PGM1: variants seen among roughly 807,000 people sequenced by gnomAD.
PGM1 encodes the protein phosphoglucomutase-1.
A neutral mutation model predicts 55.6 loss-of-function variants in PGM1; 52 were observed. The observed-to-expected ratio is 0.94, with a 90% CI of 0.75 to 1.18. The LOEUF is 1.18. Among genes scored for constraint, PGM1 ranks in the 50% most tolerant of loss-of-function variants. The pLI, the probability that PGM1 is intolerant of heterozygous loss-of-function variation, is 0.00. For synonymous variants in PGM1, 287 were observed against 271.7 expected, an observed-to-expected ratio of 1.06 and a Z score of -0.55; for missense variants, 724 against 729.3, an observed-to-expected ratio of 0.99 and a Z score of 0.08.
chr1:63,629,487 T>C lies in PGM1; in HGVS notation c.309T>C (p.Ile103=). ...CCACCCCTGCTGTATCCTGCATCAT[T>C]AGAAAAATCAAAGCCATTGGTGGGA... ...ILSTPAVSCI[I]RKIKAIGGII... The change falls in exon 2 of 11, where the codon ATT becomes ATC. Residue 103 remains isoleucine, a synonymous_variant. Transcript: ENST00000371084. The C allele has an allele frequency of 1.1e-5, 18 of 1,613,840 alleles. No individual in the cohort carries two copies. The highest frequency in any genetic ancestry group is 1.5e-5 in the Non-Finnish European group (18 of 1,179,744).
chr1:63,610,900 T>G (rs1258818824), intron 1 of PGM1, among the ~76,000 whole-genome samples: 3 of 152,114 alleles, frequency 2.0e-5, no homozygotes, highest in African/African-American at 7.2e-5. Flanking sequence ...CTGAGTAGCT[T>G]AAGTACTGGT....
intron 1 of PGM1, among the ~76,000 whole-genome samples, chr1:63,616,531 C>T (rs1445633049): frequency 2.0e-5 from 3 of 152,166 alleles, no homozygotes; most frequent in Non-Finnish European, 2.9e-5. Context: ...TTATCTATCT[C>T]TCCTTCTGCA....
rs973787157 is a variant in PGM1 at position 63,647,474 on chromosome 1, G to A, written c.1145-1043G>A. On this transcript the variant is annotated intron_variant, in intron 7 of 10. Coordinates refer to ENST00000371084, the MANE Select transcript of PGM1 (RefSeq NM_002633.3). ...ATCAGTGTTTTCTTTTATGAATACC[G>A]AATTTACATTATTTATCACCCCTAA... 6.1e-5 allele frequency among the ~76,000 whole-genome samples: 9 copies of A among 147,438 alleles called. No individual in the cohort carries two copies. The South Asian group carries it at 8.6e-4, about 14-fold the overall frequency.
rs1423653483 is a variant in PGM1, at chr1:63,629,634, G to A, written c.409+47G>A. On this transcript the variant is annotated intron_variant, in intron 2 of 10. Transcript: ENST00000371084. Reference sequence around the variant, plus strand: ...GGACAGGTAAGTTTACATTCAGTAGGACAAATCAATACCTGGAGCCTTGGG... The same window carrying A: ...GGACAGGTAAGTTTACATTCAGTAGAACAAATCAATACCTGGAGCCTTGGG... 7.6e-6 allele frequency: 12 copies of A among 1,571,414 alleles called. No individual in the cohort carries two copies. In the Admixed American group the frequency reaches 1.3e-4, roughly 17 times the overall value.
At chr1:63,649,305 T>A (rs1480628250) in intron 8 of PGM1, among the ~76,000 whole-genome samples, 1 of 152,222 alleles carries the variant, frequency 6.6e-6, no homozygotes, top group Non-Finnish European at 1.5e-5. Flanking sequence ...AACAAAATAC[T>A]TAGAATACTT....
intron 1 of PGM1, among the ~76,000 whole-genome samples, chr1:63,614,733 C>T (rs1246310149): frequency 1.3e-5 from 2 of 151,910 alleles, no homozygotes; most frequent in African/African-American, 4.9e-5. Flanking sequence ...TCTACCTGAC[C>T]TCGGACAGAT....
chr1:63,658,884 C>T (rs551601431), intron 10 of PGM1, among the ~76,000 whole-genome samples: 49 of 152,258 alleles, frequency 3.2e-4, no homozygotes, highest in African/African-American at 1.1e-3. Flanking sequence ...GGAAGCCTCA[C>T]AATCATGGTG....
intron 1 of PGM1, among the ~76,000 whole-genome samples, chr1:63,607,222 G>T (rs1648446618): frequency 6.6e-6 from 1 of 152,154 alleles, no homozygotes. Context: ...TCCAGTTTTG[G>T]TTGCCAGGCA....
At chr1:63,608,312 G>A (rs1333326480) in intron 1 of PGM1, among the ~76,000 whole-genome samples, 13 of 152,204 alleles carry the variant, frequency 8.5e-5, no homozygotes, top group African/African-American at 3.1e-4. Flanking sequence ...TCTGGTAAAC[G>A]TTTAAACCTG....
At chr1:63,606,945 A>G (rs370587031) in intron 1 of PGM1, among the ~76,000 whole-genome samples, 1 of 152,266 alleles carries the variant, frequency 6.6e-6, no homozygotes, top group South Asian at 2.1e-4. Flanking sequence ...TTGCCATTGT[A>G]CGAGTCTTAA....
At chr1:63,628,426 G>A (rs1649096218) in intron 1 of PGM1, among the ~76,000 whole-genome samples, 2 of 152,164 alleles carry the variant, frequency 1.3e-5, no homozygotes, top group South Asian at 4.1e-4. Flanking sequence ...TGGAAGGGTG[G>A]CAGAGCCAAC....
chr1:63,605,134 T>C (rs1295811021), intron 1 of PGM1, among the ~76,000 whole-genome samples: 1 of 152,074 alleles, frequency 6.6e-6, no homozygotes, highest in African/African-American at 2.4e-5. Flanking sequence ...CACCTGCTCA[T>C]GTAAATATAT....
chr1:63,658,776 G>A (rs528854603), intron 10 of PGM1, among the ~76,000 whole-genome samples: 1 of 151,396 alleles, frequency 6.6e-6, no homozygotes, highest in East Asian at 1.9e-4. Flanking sequence ...AAAGATTCCT[G>A]TATTAGTCTG....
At chr1:63,653,218 G>C (rs868083051) in intron 9 of PGM1, among the ~76,000 whole-genome samples, 9 of 152,196 alleles carry the variant, frequency 5.9e-5, no homozygotes, top group Non-Finnish European at 1.2e-4. Context: ...AGACCAGATA[G>C]GAGGGAAAAA....
At chr1:63,639,352 A>T (rs1424097281) in intron 7 of PGM1, among the ~76,000 whole-genome samples, 1 of 152,068 alleles carries the variant, frequency 6.6e-6, no homozygotes, top group African/African-American at 2.4e-5. Context: ...ATGTTTGTGT[A>T]ATTGTATTAA....
chr1:63,608,062 G>A (rs1648471297), intron 1 of PGM1, among the ~76,000 whole-genome samples: 1 of 152,242 alleles, frequency 6.6e-6, no homozygotes, highest in Non-Finnish European at 1.5e-5. Flanking sequence ...TTAGAGAGGT[G>A]TCAGCATTGT....
chr1:63,647,838 G>C (rs1570511948), intron 7 of PGM1, among the ~76,000 whole-genome samples: 1 of 152,240 alleles, frequency 6.6e-6, no homozygotes, highest in African/African-American at 2.4e-5. Flanking sequence ...TTCTTCTGCT[G>C]TTTGTTCATT....
chr1:63,593,505 C>T lies in PGM1; in HGVS notation c.17C>T (p.Thr6Ile), dbSNP rs749653003. The T allele has an allele frequency of 2.5e-6, 4 of 1,613,834 alleles. No homozygotes were observed. The highest frequency in any genetic ancestry group is 3.4e-6 in the Non-Finnish European group (4 of 1,179,930). MVKIV[T>I]VKTQAYQDQK... ...GTCGCCACCATGGTGAAGATCGTGA[C>T]AGTTAAGACCCAGGCGTACCAGGAC... is the stretch of plus-strand genomic sequence containing the variant. The change falls in exon 1 of 11, where the codon ACA becomes ATA. Residue 6 changes from threonine (T) to isoleucine (I), a missense_variant. By Grantham distance (89) the Thr-to-Ile change is moderately conservative. Transcript: ENST00000371084.
chr1:63,637,522 A>G (rs1649395060), intron 6 of PGM1, among the ~76,000 whole-genome samples: 2 of 152,178 alleles, frequency 1.3e-5, no homozygotes, highest in African/African-American at 4.8e-5. Context: ...GTGTTTTTTT[A>G]CATTCACCAT....
Sources: allele counts gnomAD v4.1 joint callset (sites outside exome capture counted in the v4.1 genomes callset), GRCh38; gene constraint gnomAD v4.1.1; transcripts MANE v1.5; gene names NCBI Gene and HGNC (gene_info 2026-07-23, HGNC 2026-07-21).